The following LRBA variants were observed in gnomAD, a reference collection of about 807,000 sequenced individuals.
LRBA encodes the protein LPS responsive beige-like anchor protein.
In LRBA, 176 loss-of-function variants were observed where a neutral mutation model predicts 330.0. That is an observed-to-expected ratio of 0.53 (90% CI 0.47 to 0.60). LRBA has a LOEUF of 0.60. LRBA is among the 20% of genes least tolerant of loss of function. LRBA has a pLI of 0.00. For synonymous variants in LRBA, 1,230 were observed against 1,193.0 expected (o/e 1.03, Z -0.64); for missense variants, 3,259 against 3,444.8 (o/e 0.95, Z 1.35).
chr4:150,855,766 G>A (rs927662724), intron 22 of LRBA, among the ~76,000 whole-genome samples: 1 of 152,034 alleles, frequency 6.6e-6, no homozygotes. Context: ...TTAAAAGATA[G>A]TTTTACTATC....
At chr4:150,588,263 A>C (rs2126439754) in intron 39 of LRBA, 79 bp from the exon 40 acceptor site, 1 of 1,447,962 alleles carries the variant, frequency 6.9e-7, no homozygotes, top group East Asian at 2.3e-5. Flanking sequence ...AATTGTATTT[A>C]ATCTTTTCAT....
Position 150,756,542 on chromosome 4 carries a change from G to A in LRBA, c.5645+5241C>T, listed in dbSNP as rs192442735. Among the ~76,000 whole-genome samples the A allele has an allele frequency of 9.9e-5, 15 of 152,224 alleles. 1 individual carries two copies. The highest frequency in any genetic ancestry group is 9.8e-4 in the Admixed American group (15 of 15,282). On this transcript the variant is annotated intron_variant, in intron 35 of 56. Coordinates refer to ENST00000651943, the MANE Select transcript of LRBA (RefSeq NM_001364905.1). ...TGAGTTGAAAAATGTAAGCAACAGT[G>A]TTATGGAATGTAATTAAATATATCT... is the stretch of plus-strand genomic sequence containing the variant.
chr4:150,638,849 C>G (rs1413241735), intron 37 of LRBA, among the ~76,000 whole-genome samples: 1 of 108,438 alleles, frequency 9.2e-6, no homozygotes, highest in Non-Finnish European at 1.9e-5. Flanking sequence ...CATCCCATTA[C>G]TGGGTATATA....
chr4:150,582,218 C>A (rs1487377747), intron 40 of LRBA: 3 of 152,046 alleles, frequency 2.0e-5, no homozygotes, highest in Non-Finnish European at 4.4e-5. Context: ...GTATAAATTA[C>A]GAAGCAGAAA....
intron 17 of LRBA, among the ~76,000 whole-genome samples, chr4:150,875,432 G>C (rs1403341730): frequency 4.6e-5 from 7 of 152,140 alleles, no homozygotes; most frequent in Non-Finnish European, 1.5e-5. Flanking sequence ...AGGGAGCTCA[G>C]ACCACCATGC....
intron 36 of LRBA, among the ~76,000 whole-genome samples, chr4:150,688,598 T>G (rs1582050636): frequency 6.6e-6 from 1 of 151,996 alleles, no homozygotes; most frequent in Non-Finnish European, 1.5e-5. Context: ...GAACTTAAAC[T>G]AATTTACAAG....
intron 36 of LRBA, among the ~76,000 whole-genome samples, chr4:150,724,379 G>A (rs570322110): frequency 4.6e-5 from 7 of 152,214 alleles, no homozygotes; most frequent in South Asian, 2.1e-4. Flanking sequence ...GTACCTCTAC[G>A]AGTCAGCAAA....
At chr4:150,714,967 T>G (rs1786595821) in intron 36 of LRBA, among the ~76,000 whole-genome samples, 1 of 152,160 alleles carries the variant, frequency 6.6e-6, no homozygotes, top group African/African-American at 2.4e-5. Context: ...AACAAATAAC[T>G]TCACTGTTTG....
chr4:150,626,647 C>T (rs997963795), intron 37 of LRBA, among the ~76,000 whole-genome samples: 4 of 151,864 alleles, frequency 2.6e-5, no homozygotes, highest in African/African-American at 7.3e-5. Context: ...AAAAAAATGG[C>T]ACTAGACTTT....
chr4:150,994,433 A>G (rs1168829815), intron 2 of LRBA, among the ~76,000 whole-genome samples: 2 of 152,206 alleles, frequency 1.3e-5, no homozygotes, highest in East Asian at 1.9e-4. Flanking sequence ...CATCCATCCA[A>G]CATGTATTTA....
intron 41 of LRBA, among the ~76,000 whole-genome samples, chr4:150,490,462 C>A (rs542792268): frequency 6.6e-6 from 1 of 151,842 alleles, no homozygotes; most frequent in Admixed American, 6.6e-5. Context: ...AAATACAGAG[C>A]AAACAGGACA....
At chr4:150,397,051 T>C (rs1422913253) in intron 47 of LRBA, among the ~76,000 whole-genome samples, 1 of 152,206 alleles carries the variant, frequency 6.6e-6, no homozygotes, top group Non-Finnish European at 1.5e-5. Flanking sequence ...CACTGACGCT[T>C]TAAGACACTG....
intron 48 of LRBA, among the ~76,000 whole-genome samples, chr4:150,338,084 C>A (rs1159613111): frequency 6.6e-6 from 1 of 152,042 alleles, no homozygotes; most frequent in Non-Finnish European, 1.5e-5. Context: ...GGAAAACAGA[C>A]CTCAGAGTGA....
At chr4:150,477,479 A>G (rs1237944812) in intron 42 of LRBA, among the ~76,000 whole-genome samples, 2 of 152,240 alleles carry the variant, frequency 1.3e-5, no homozygotes, top group East Asian at 1.9e-4. Flanking sequence ...AAAAAATTAA[A>G]CCATCAGATC....
chr4:151,014,362 C>A, intron 2 of LRBA, 65 bp downstream of exon 2: 1 of 1,366,364 alleles, frequency 7.3e-7, no homozygotes, highest in South Asian at 1.2e-5. Flanking sequence ...ATGGCTCCAG[C>A]TTTAAGATCT....
At chr4:150,601,145 C>A (rs1774072589) in intron 37 of LRBA, among the ~76,000 whole-genome samples, 1 of 152,202 alleles carries the variant, frequency 6.6e-6, no homozygotes, top group South Asian at 2.1e-4. Context: ...CCTTTTCTGC[C>A]ATCTATCCTT....
At chr4:150,465,057 C>G (rs1408115882) in intron 44 of LRBA, among the ~76,000 whole-genome samples, 1 of 152,024 alleles carries the variant, frequency 6.6e-6, no homozygotes, top group Admixed American at 6.6e-5. Flanking sequence ...ACTCCTCATT[C>G]TCTCCCTCAC....
intron 33 of LRBA, among the ~76,000 whole-genome samples, chr4:150,803,416 CA>C (rs1221204559): frequency 6.6e-6 from 1 of 151,834 alleles, no homozygotes; most frequent in Admixed American, 6.6e-5. Flanking sequence ...GTAATAAGTT[CA>C]TAGATACTAT....
chr4:150,976,737 A>T lies in LRBA; in HGVS notation c.216+37690T>A, dbSNP rs114544867. On this transcript the variant is annotated intron_variant, in intron 2 of 56. Coordinates refer to ENST00000651943, the MANE Select transcript of LRBA (RefSeq NM_001364905.1). ...ACAGAAAGGGGCACTGAAGAAGGTA[A>T]GCAAGACAGTCTTGAATTGCTATTC... Among the ~76,000 whole-genome samples, 287 of 152,242 alleles carry T rather than the reference A, an allele frequency of 1.9e-3. 6 individuals are homozygous for T. The highest frequency in any genetic ancestry group is 6.7e-3 in the African/African-American group (279 of 41,536).
Sources: gnomAD v4.1 joint callset for allele counts (sites outside exome capture counted in the v4.1 genomes callset) on GRCh38, gnomAD v4.1.1 for gene constraint, MANE v1.5 for transcripts, NCBI Gene and HGNC (gene_info 2026-07-23, HGNC 2026-07-21) for gene names.